PDE10A: variants seen among roughly 807,000 people sequenced by gnomAD.
PDE10A encodes the protein phosphodiesterase 10A.
PDE10A carries 39 observed loss-of-function variants against 97.7 expected under a neutral mutation model. The ratio of observed to expected loss-of-function variants is 0.40; its 90% confidence interval spans 0.31 to 0.52. The LOEUF (loss-of-function observed/expected upper bound fraction) is 0.52. PDE10A is among the 20% of genes least tolerant of loss of function. The pLI is 0.56. For missense variants in PDE10A, 731 were observed against 1,047.8 expected (o/e 0.70, Z 4.17); for synonymous variants, 371 against 376.8 (o/e 0.98, Z 0.18).
At chr6:165,542,281 A>T (rs1433153443) in intron 2 of PDE10A, among the ~76,000 whole-genome samples, 2 of 152,240 alleles carry the variant, frequency 1.3e-5, no homozygotes, top group Non-Finnish European at 2.9e-5. Flanking sequence ...CATTTGAAAC[A>T]AAATAAAAAT....
intron 1 of PDE10A, among the ~76,000 whole-genome samples, chr6:165,710,180 A>G (rs1791859332): frequency 6.6e-6 from 1 of 152,146 alleles, no homozygotes; most frequent in Non-Finnish European, 1.5e-5. Context: ...CCCACGCAGC[A>G]CTGACCACTC....
At chr6:165,462,429 C>T (rs977229477) in intron 3 of PDE10A, among the ~76,000 whole-genome samples, 5 of 152,128 alleles carry the variant, frequency 3.3e-5, no homozygotes. Context: ...AATAACAAAA[C>T]GTTGGGAAAT....
At position 165,428,849 on chromosome 6, in the gene PDE10A, C is replaced by CA. The variant is rs370523218; in HGVS notation, c.1602-141dup. ...ATGTCATTTGATTTTTCTGCTTTGG[C>CA]AAAAAAAAAAATCAGTACTGTAATA... On this transcript the variant is annotated intron_variant, in intron 9 of 21. Coordinates refer to ENST00000539869, the MANE Select transcript of PDE10A (RefSeq NM_001385079.1). 4,069 of 408,476 alleles carry CA rather than the reference C, an allele frequency of 1.0e-2. 1 individual carries two copies. Among genetic ancestry groups the CA allele is most frequent in the East Asian group, 0.023 (507 of 22,120 alleles). The allele number at this position is 408,476 out of a possible 1,614,324, so 25.3% of individuals were successfully genotyped here. A position where few individuals can be genotyped will look rare whatever the true frequency, so the allele number is the denominator to read the frequency against.
Position 165,707,237 on chromosome 6 carries a change from C to T in PDE10A, c.-614-163669G>A, listed in dbSNP as rs528757459. 7.2e-5 allele frequency among the ~76,000 whole-genome samples: 11 copies of T among 152,308 alleles called. 2 individuals are homozygous for T. The South Asian group carries it at 2.3e-3, about 32-fold the overall frequency. ...CCAGAGTCCAGCTGCTGCGGCTCCC[C>T]CAGTCCCGCCCTGGTCCCCAGGGGA... is the stretch of plus-strand genomic sequence containing the variant. On this transcript the variant is annotated intron_variant, in intron 1 of 19. Coordinates refer to the PDE10A transcript ENST00000366882.
chr6:165,917,716 G>A (rs1237614323), intron 1 of PDE10A, among the ~76,000 whole-genome samples: 2 of 152,214 alleles, frequency 1.3e-5, no homozygotes, highest in South Asian at 2.1e-4. Context: ...TGATGAGTCC[G>A]GACCCGGGGA....
chr6:165,627,248 A>G (rs1788431094), intron 1 of PDE10A, among the ~76,000 whole-genome samples: 2 of 152,214 alleles, frequency 1.3e-5, no homozygotes, highest in African/African-American at 4.8e-5. Context: ...ACATACAGGC[A>G]TAAGCCACCA....
At chr6:165,647,581 C>T (rs1048148285) in intron 1 of PDE10A, among the ~76,000 whole-genome samples, 6 of 151,868 alleles carry the variant, frequency 4.0e-5, no homozygotes, top group Non-Finnish European at 8.8e-5. Flanking sequence ...ATTTGCAACA[C>T]ATTTTCCTTT....
At chr6:165,735,718 C>G (rs202082714) in intron 1 of PDE10A, among the ~76,000 whole-genome samples, 15 of 152,132 alleles carry the variant, frequency 9.9e-5, no homozygotes, top group Non-Finnish European at 1.8e-4. Flanking sequence ...ATGAGGCCCA[C>G]GCACATGGAG....
intron 15 of PDE10A, 60 bp downstream of exon 15, chr6:165,395,118 TAGA>T (rs1172695014): frequency 4.1e-6 from 4 of 983,158 alleles, no homozygotes; most frequent in East Asian, 2.4e-5. Flanking sequence ...GGCATATATG[TAGA>T]AGGAGGAAGA....
intron 10 of PDE10A, among the ~76,000 whole-genome samples, chr6:165,423,704 A>G (rs1044674436): frequency 1.3e-5 from 2 of 152,060 alleles, no homozygotes; most frequent in African/African-American, 2.4e-5. Context: ...CGTTTCTACT[A>G]AAATACAAAA....
chr6:165,927,647 C>CATATATATATAT (rs71029572), intron 1 of PDE10A, among the ~76,000 whole-genome samples: 4,161 of 72,526 alleles, frequency 0.057, 195 homozygotes, highest in African/African-American at 0.065. Flanking sequence ...ATGAGAATGA[C>CATATATATATAT]ATATATATAT....
chr6:165,616,125 G>A (rs539528463), intron 1 of PDE10A, among the ~76,000 whole-genome samples: 4 of 152,084 alleles, frequency 2.6e-5, no homozygotes, highest in African/African-American at 7.2e-5. Context: ...TTTCCGAGTC[G>A]GTTGTGTTTC....
intron 1 of PDE10A, among the ~76,000 whole-genome samples, chr6:165,826,575 G>A (rs1055112765): frequency 3.3e-5 from 5 of 149,368 alleles, no homozygotes; most frequent in South Asian, 2.2e-4. Flanking sequence ...CTCCCGCCAC[G>A]CCCCCAGGTA....
At chr6:165,385,818 C>T (rs1285772802) in intron 17 of PDE10A, among the ~76,000 whole-genome samples, 1 of 152,190 alleles carries the variant, frequency 6.6e-6, no homozygotes, top group Non-Finnish European at 1.5e-5. Flanking sequence ...GGGCGTAGCT[C>T]AAATTGAAGG....
intron 10 of PDE10A, among the ~76,000 whole-genome samples, 172 bp downstream of exon 10, chr6:165,428,486 A>T (rs1789322784): frequency 6.6e-6 from 1 of 152,052 alleles, no homozygotes; most frequent in Admixed American, 6.6e-5. Flanking sequence ...ATTCAAACTT[A>T]CTCCCCCAAA....
In PDE10A at chr6:165,336,154, G is replaced by A. The variant is rs1781632359; in HGVS notation, c.3034C>T (p.Pro1012Ser). The change falls in exon 21 of 22, where the codon CCT becomes TCT. Residue 1012 changes from proline (P) to serine (S), a missense_variant. Transcript: ENST00000539869. Reference sequence around the variant, plus strand: ...GCTTTCAGAAGAGGCTCCGTGGGAGGGAGGATCTGGGTAAGGGTTGTATAG... The same window carrying A: ...GCTTTCAGAAGAGGCTCCGTGGGAGAGAGGATCTGGGTAAGGGTTGTATAG... ...PCYTTLTQIL[P>S]PTEPLLKACR... The A allele has an allele frequency of 1.2e-6, 2 of 1,613,878 alleles. No homozygotes were observed. The highest frequency in any genetic ancestry group is 1.7e-6 in the Non-Finnish European group (2 of 1,179,820).
In PDE10A at chr6:165,500,969, G is replaced by C. The variant is rs1471221350; in HGVS notation, c.995-18626C>G. Among the ~76,000 whole-genome samples the C allele has an allele frequency of 3.3e-5, 5 of 152,128 alleles. No homozygotes were observed. In the East Asian group the frequency reaches 7.8e-4, roughly 24 times the overall value. Reference sequence around the variant, plus strand: ...TTTTCTTTAACTTATTTATGACACAGAGACCTTTGTTCACATGTCTTCCTG... The same window carrying C: ...TTTTCTTTAACTTATTTATGACACACAGACCTTTGTTCACATGTCTTCCTG... On this transcript the variant is annotated intron_variant, in intron 2 of 21. Transcript: ENST00000539869.
intron 1 of PDE10A, among the ~76,000 whole-genome samples, chr6:165,574,860 A>G (rs1207950069): frequency 6.6e-6 from 1 of 152,226 alleles, no homozygotes; most frequent in Non-Finnish European, 1.5e-5. Context: ...TACCTGTTAA[A>G]ACAGGATATG....
At chr6:165,704,761 G>A (rs1205020042) in intron 1 of PDE10A, among the ~76,000 whole-genome samples, 3 of 152,214 alleles carry the variant, frequency 2.0e-5, no homozygotes, top group Non-Finnish European at 2.9e-5. Flanking sequence ...AAAAAGAGAT[G>A]CAAAAACAAA....
Sources: gnomAD v4.1 joint callset for allele counts (sites outside exome capture counted in the v4.1 genomes callset) on GRCh38, gnomAD v4.1.1 for gene constraint, MANE v1.5 for transcripts, NCBI Gene and HGNC (gene_info 2026-07-23, HGNC 2026-07-21) for gene names.